The following SVEP1 variants were observed in gnomAD, a reference collection of about 807,000 sequenced individuals.
The protein encoded by SVEP1 is sushi, von Willebrand factor type A, EGF and pentraxin domain-containing protein 1.
SVEP1 carries 164 observed loss-of-function variants against 367.3 expected under a neutral mutation model. That is an observed-to-expected ratio of 0.45 (90% CI 0.39 to 0.51). The LOEUF is 0.51. Ranked by LOEUF, SVEP1 falls within the 20% of genes least tolerant of loss-of-function variation. The pLI is 0.00. For missense variants in SVEP1, 4,117 were observed against 4,425.3 expected (o/e 0.93, Z 1.98); for synonymous variants, 1,666 against 1,611.6 (o/e 1.03, Z -0.81).
intron 46 of SVEP1, among the ~76,000 whole-genome samples, chr9:110,372,037 G>A (rs936416890): frequency 2.0e-5 from 3 of 152,082 alleles, no homozygotes; most frequent in Non-Finnish European, 2.9e-5. Flanking sequence ...TTTCCTGATC[G>A]GATGCTGCCC....
At chr9:110,536,522 A>G (rs1470282776) in intron 3 of SVEP1, among the ~76,000 whole-genome samples, 1 of 151,986 alleles carries the variant, frequency 6.6e-6, no homozygotes, top group East Asian at 1.9e-4. Context: ...GAAAGTGTCT[A>G]TGGCACCTTT....
intron 32 of SVEP1, among the ~76,000 whole-genome samples, chr9:110,431,558 T>C (rs1044841985): frequency 6.6e-6 from 1 of 152,208 alleles, no homozygotes; most frequent in Non-Finnish European, 1.5e-5. Flanking sequence ...AAGATATTGA[T>C]AGTGAAGATG....
intron 39 of SVEP1, among the ~76,000 whole-genome samples, chr9:110,403,869 T>TTA (rs1827910716): frequency 6.6e-6 from 1 of 151,518 alleles, no homozygotes; most frequent in Non-Finnish European, 1.5e-5. Context: ...TTTTTTTTTT[T>TTA]ACAAATAAGG....
At position 110,579,240 on chromosome 9, in the gene SVEP1, C is replaced by G; in HGVS notation, c.304G>C (p.Glu102Gln). The change falls in exon 1 of 48, where the codon GAG (glutamate) becomes CAG (glutamine). Residue 102 changes from glutamate (E) to glutamine (Q), a missense_variant. Glu to Gln is a conservative substitution (Grantham distance 29, BLOSUM62 2). Coordinates refer to ENST00000374469, the MANE Select transcript of SVEP1 (RefSeq NM_153366.4). This position sits in a 1 kb window ranked among gnomAD's most constrained non-coding sequence, Gnocchi z 5.3. The part of the protein sequence containing the change: ...SSVGEVNFRS[E>Q]LMFVRKLLSD... ...AGCAGCTTGCGGACGAACATGAGCT[C>G]GCTGCGGAAGTTGACTTCGCCCACG... The G allele has an allele frequency of 6.4e-7, 1 of 1,570,144 alleles. No individual in the cohort carries two copies. Among genetic ancestry groups the G allele is most frequent in the Non-Finnish European group, 8.6e-7 (1 of 1,158,696 alleles).
At chr9:110,403,503 C>T (rs1827901320) in intron 39 of SVEP1, among the ~76,000 whole-genome samples, 2 of 151,728 alleles carry the variant, frequency 1.3e-5, no homozygotes, top group Admixed American at 1.3e-4. Context: ...CGGGGTTTCA[C>T]TGTGTTGTCC....
At chr9:110,524,201 G>C (rs1447751134) in intron 3 of SVEP1, among the ~76,000 whole-genome samples, 1 of 152,042 alleles carries the variant, frequency 6.6e-6, no homozygotes, top group Non-Finnish European at 1.5e-5. Flanking sequence ...TTTCAGTGGA[G>C]AATTCTGCCA....
chr9:110,544,217 G>A (rs539682249), intron 3 of SVEP1, among the ~76,000 whole-genome samples: 5 of 152,178 alleles, frequency 3.3e-5, no homozygotes, highest in Non-Finnish European at 7.3e-5. Context: ...TTTCTATGTG[G>A]AGAGCAGACC....
Position 110,385,910 on chromosome 9 carries a change from C to T in SVEP1, c.10225G>A (p.Ala3409Thr), listed in dbSNP as rs767551252. 93 of 1,612,568 alleles carry T rather than the reference C, an allele frequency of 5.8e-5. No homozygotes were observed. The highest frequency in any genetic ancestry group is 1.6e-4 in the Middle Eastern group (1 of 6,076). ...CCTGCTGACTTACTTTCACATTTGG[C>T]GCTTGTCTGTGTCCACGTCTCGTCG... ...NPDETWTQTS[A>T]KCEKISCGPP... Residue 3409 changes from alanine (A) to threonine (T), a missense_variant, in exon 43 of 48, where the codon GCC becomes ACC. Physicochemically the swap from Ala to Thr is moderately conservative, Grantham distance 58. This residue lies in a region of SVEP1 where 1,765 missense variants were observed against 1,781.1 expected (regional missense o/e 0.99). Coordinates refer to ENST00000374469, the MANE Select transcript of SVEP1 (RefSeq NM_153366.4).
At chr9:110,459,275 G>T (rs957466978) in intron 18 of SVEP1, among the ~76,000 whole-genome samples, 162 bp from the exon 19 acceptor site, 1 of 152,078 alleles carries the variant, frequency 6.6e-6, no homozygotes, top group Admixed American at 6.5e-5. Flanking sequence ...TAAATGTTTT[G>T]TTGGGTCTCC....
chr9:110,557,236 A>G (rs3010808), intron 1 of SVEP1, among the ~76,000 whole-genome samples: 16,583 of 152,166 alleles, frequency 0.11, 1,102 homozygotes, highest in East Asian at 0.31. Flanking sequence ...TTTCTTCTAC[A>G]CCACTGTTTT....
At chr9:110,383,132 G>A (rs1228122257) in intron 43 of SVEP1, among the ~76,000 whole-genome samples, 1 of 152,204 alleles carries the variant, frequency 6.6e-6, no homozygotes, top group Non-Finnish European at 1.5e-5. Context: ...TGGATGAGAA[G>A]AGGAACTCTG....
intron 5 of SVEP1, chr9:110,512,698 C>G (rs761230391): frequency 2.6e-5 from 15 of 570,542 alleles, no homozygotes; most frequent in Admixed American, 6.1e-5. Context: ...CCCAGGCAAA[C>G]TTTTTCTTTG....
intron 40 of SVEP1, among the ~76,000 whole-genome samples, chr9:110,396,817 C>T (rs560212784): frequency 5.3e-4 from 81 of 152,234 alleles, no homozygotes; most frequent in Admixed American, 2.6e-3. Flanking sequence ...TCTGAATAGA[C>T]CAATAACAGG....
At chr9:110,483,485 AGTT>A (rs955668936) in intron 10 of SVEP1, 98 bp downstream of exon 10, 4 of 619,634 alleles carry the variant, frequency 6.5e-6, no homozygotes, top group African/African-American at 1.9e-5. Flanking sequence ...CTCCCTAGAC[AGTT>A]GTTATTTGCT....
rs1278293130 is a variant in SVEP1 at position 110,476,321 on chromosome 9, A to G, written c.2488-6T>C. The stretch of plus-strand genomic sequence containing the variant: ...TCACTACAAAATGATGGGACCTGCA[A>G]GTAAAAAATGAAGAGGATAAAGTGT... On this transcript the variant is annotated splice_region_variant and splice_polypyrimidine_tract_variant and intron_variant, in intron 13 of 47. Coordinates refer to ENST00000374469, the MANE Select transcript of SVEP1 (RefSeq NM_153366.4). 1 of 1,604,998 alleles carries G rather than the reference A, an allele frequency of 6.2e-7. No individual in the cohort carries two copies. The highest frequency in any genetic ancestry group is 1.7e-5 in the Admixed American group (1 of 59,766).
At chr9:110,386,224 G>C in intron 42 of SVEP1, 150 bp from the exon 43 acceptor site, 1 of 766,704 alleles carries the variant, frequency 1.3e-6, no homozygotes, top group Non-Finnish European at 1.9e-6. Flanking sequence ...ATTAGACACA[G>C]ACTTGTTTTG....
chr9:110,482,388 T>A lies in SVEP1; in HGVS notation c.2143A>T (p.Thr715Ser). The change falls in exon 11 of 48, where the codon ACA (threonine) becomes TCA (serine). Residue 715 changes from threonine (T) to serine (S), a missense_variant. Around this residue, in one of 4 missense-constraint regions of SVEP1, gnomAD observed 2,174 missense variants for 2,494.3 expected, o/e 0.87. Transcript: ENST00000374469. ...TATDPSGNNR[T>S]CDIHIVIKGS... is the part of the protein sequence containing the mutation. ...TTTATGACAATATGGATATCACATGTCCTGTTATTGCCTGAGGGGTCAGTG... is the reference window on the plus strand; with the variant it reads ...TTTATGACAATATGGATATCACATGACCTGTTATTGCCTGAGGGGTCAGTG... 6.2e-7 allele frequency: 1 copy of A among 1,612,780 alleles called. No homozygotes were observed. The highest frequency in any genetic ancestry group is 8.5e-7 in the Non-Finnish European group (1 of 1,179,510).
intron 12 of SVEP1, among the ~76,000 whole-genome samples, chr9:110,480,280 A>C (rs1246915739): frequency 6.6e-6 from 1 of 152,182 alleles, no homozygotes; most frequent in Non-Finnish European, 1.5e-5. Context: ...ATTCAGGGAC[A>C]GTCTCCTACT....
At chr9:110,457,849 T>C (rs932148180) in intron 20 of SVEP1, among the ~76,000 whole-genome samples, 1 of 152,126 alleles carries the variant, frequency 6.6e-6, no homozygotes, top group African/African-American at 2.4e-5. Flanking sequence ...CTGTAGGAAG[T>C]TGTAATCAGA....
Sources: allele counts gnomAD v4.1 joint callset (sites outside exome capture counted in the v4.1 genomes callset), GRCh38; gene constraint gnomAD v4.1.1; regional missense constraint gnomAD v4.1.1; non-coding constraint Gnocchi (gnomAD v3.1); transcripts MANE v1.5; gene names NCBI Gene and HGNC (gene_info 2026-07-23, HGNC 2026-07-21).